Variants in VPS41 observed in about 807,000 individuals in gnomAD.
The protein encoded by VPS41 is VPS41 subunit of HOPS complex, also known as vacuolar protein sorting-associated protein 41 homolog.
Under a neutral mutation model 130.9 loss-of-function variants are expected in VPS41, and 85 were observed. That is an observed-to-expected ratio of 0.65 (90% CI 0.55 to 0.78). The LOEUF (loss-of-function observed/expected upper bound fraction) is 0.78, where lower values mean the gene tolerates loss of function less well. VPS41 is among the 30% of genes least tolerant of loss of function. The pLI is 0.00. For missense variants in VPS41, 874 were observed against 1,018.7 expected (o/e 0.86, Z 1.93); for synonymous variants, 335 against 332.9 (o/e 1.01, Z -0.07).
intron 2 of VPS41, among the ~76,000 whole-genome samples, chr7:38,885,097 G>A (rs890049939): frequency 6.6e-6 from 1 of 151,786 alleles, no homozygotes; most frequent in Non-Finnish European, 1.5e-5. Context: ...TTTTTGAGAC[G>A]GAGTCTCACT....
At chr7:38,769,001 C>T (rs1275926536) in intron 14 of VPS41, among the ~76,000 whole-genome samples, 1 of 152,126 alleles carries the variant, frequency 6.6e-6, no homozygotes, top group Non-Finnish European at 1.5e-5. Context: ...TACTCAGAAC[C>T]GTACTTTATA....
intron 2 of VPS41, among the ~76,000 whole-genome samples, chr7:38,890,820 T>C (rs375675783): frequency 6.6e-6 from 1 of 151,934 alleles, no homozygotes. Context: ...CAAGTAACCA[T>C]GTCTACAGGC....
chr7:38,819,442 A>T (rs778069042), intron 6 of VPS41, among the ~76,000 whole-genome samples: 7 of 152,214 alleles, frequency 4.6e-5, no homozygotes, highest in Non-Finnish European at 7.3e-5. Flanking sequence ...TCTCTACCAG[A>T]TGATCTCTCT....
At chr7:38,880,425 T>C (rs1233309456) in intron 2 of VPS41, among the ~76,000 whole-genome samples, 1 of 152,226 alleles carries the variant, frequency 6.6e-6, no homozygotes, top group Non-Finnish European at 1.5e-5. Flanking sequence ...AAGGAAATGC[T>C]ACCCTCTCCT....
chr7:38,750,041 A>G (rs915693249), intron 22 of VPS41, among the ~76,000 whole-genome samples: 4 of 152,046 alleles, frequency 2.6e-5, no homozygotes, highest in Non-Finnish European at 5.9e-5. Context: ...TAATGTTTTT[A>G]TTTTTGTAGA....
intron 4 of VPS41, among the ~76,000 whole-genome samples, chr7:38,858,139 T>C (rs1188011011): frequency 6.6e-6 from 1 of 152,140 alleles, no homozygotes; most frequent in Non-Finnish European, 1.5e-5. Flanking sequence ...CTCTTCAGGA[T>C]CAGAAAAAGA....
Position 38,800,857 on chromosome 7 carries a change from T to TA in VPS41, c.451-3994dup, listed in dbSNP as rs936625465. On this transcript the variant is annotated intron_variant, in intron 7 of 28. Transcript: ENST00000310301. Reference sequence around the variant, plus strand: ...GTCTCAAAATAAATAAATAAATAAATAAAAATTCACTGGAACTTAAAGAAG... The same window carrying TA: ...GTCTCAAAATAAATAAATAAATAAATAAAAAATTCACTGGAACTTAAAGAAG... Among the ~76,000 whole-genome samples the TA allele has an allele frequency of 2.0e-5, 3 of 152,038 alleles. 1 individual carries two copies. Among genetic ancestry groups the TA allele is most frequent in the East Asian group, 1.9e-4 (1 of 5,172 alleles).
chr7:38,828,100 T>C (rs902834927), intron 5 of VPS41, among the ~76,000 whole-genome samples: 5 of 152,116 alleles, frequency 3.3e-5, no homozygotes, highest in African/African-American at 1.2e-4. Flanking sequence ...TCTCCAAAAT[T>C]TTGAGAAAAA....
chr7:38,808,432 G>C (rs1355294438), intron 7 of VPS41, among the ~76,000 whole-genome samples: 2 of 152,024 alleles, frequency 1.3e-5, no homozygotes, highest in Non-Finnish European at 2.9e-5. Flanking sequence ...AATCAATTTT[G>C]GTACATTGAT....
intron 10 of VPS41, among the ~76,000 whole-genome samples, chr7:38,789,396 A>T (rs1784494179): frequency 6.6e-6 from 1 of 152,154 alleles, no homozygotes; most frequent in Non-Finnish European, 1.5e-5. Flanking sequence ...CTTTCCCTGG[A>T]AAGCAACACT....
chr7:38,813,010 G>A lies in VPS41; in HGVS notation c.450+4807C>T, dbSNP rs115293867. 8.7e-3 allele frequency among the ~76,000 whole-genome samples: 1,323 copies of A among 152,266 alleles called. 25 individuals carry two copies. Among genetic ancestry groups the A allele is most frequent in the African/African-American group, 0.029 (1,221 of 41,554 alleles). ...AATGTCCAACATAGAGTTACTATATGATTCAACAATTCCATACTCAAGAGA... is the reference window on the plus strand; with the variant it reads ...AATGTCCAACATAGAGTTACTATATAATTCAACAATTCCATACTCAAGAGA... On this transcript the variant is annotated intron_variant, in intron 7 of 28. Transcript: ENST00000310301.
intron 10 of VPS41, among the ~76,000 whole-genome samples, chr7:38,780,663 C>T (rs1447070825): frequency 6.6e-6 from 1 of 152,082 alleles, no homozygotes; most frequent in African/African-American, 2.4e-5. Flanking sequence ...TAATGTGGGC[C>T]AAAACACAAA....
intron 4 of VPS41, among the ~76,000 whole-genome samples, chr7:38,832,799 T>A (rs1785417831): frequency 1.3e-5 from 2 of 152,172 alleles, no homozygotes; most frequent in Admixed American, 6.5e-5. Context: ...CCTCTTCTTT[T>A]TTACATCTAT....
At chr7:38,909,027 CTG>C in intron 1 of VPS41, 125 bp downstream of exon 1, 4 of 1,192,154 alleles carry the variant, frequency 3.4e-6, no homozygotes, top group South Asian at 2.5e-5. Context: ...CCACCCCGCC[CTG>C]CCGCGGACCT....
intron 10 of VPS41, among the ~76,000 whole-genome samples, chr7:38,779,249 T>C (rs1334000018): frequency 6.6e-6 from 1 of 152,182 alleles, no homozygotes; most frequent in Non-Finnish European, 1.5e-5. Context: ...ATGTGGTACA[T>C]GAAAATAATA....
chr7:38,724,009 T>C lies in VPS41; in HGVS notation c.*2237A>G, dbSNP rs572329034. ...AAGGAACGAAAGCTAGTGTTTTTTA[T>C]TAACGATAAAATCTATATTGTTCAG... On this transcript the variant is annotated 3_prime_UTR_variant, in exon 29 of 29. Transcript: ENST00000310301. 6.6e-6 allele frequency: 1 copy of C among 152,318 alleles called. No individual in the cohort carries two copies. Among genetic ancestry groups the C allele is most frequent in the Non-Finnish European group, 1.5e-5 (1 of 68,028 alleles). The allele number at this position is 152,318 out of a possible 1,614,324, so 9.4% of individuals were successfully genotyped here. A position where few individuals can be genotyped will look rare whatever the true frequency, so the allele number is the denominator to read the frequency against.
intron 2 of VPS41, among the ~76,000 whole-genome samples, chr7:38,886,447 A>T (rs1264945784): frequency 1.3e-5 from 2 of 151,992 alleles, no homozygotes; most frequent in Non-Finnish European, 2.9e-5. Context: ...TGGTGGGGGG[A>T]GGGGTGTCTG....
intron 1 of VPS41, among the ~76,000 whole-genome samples, chr7:38,905,433 T>A (rs925598479): frequency 6.6e-6 from 1 of 152,206 alleles, no homozygotes; most frequent in Non-Finnish European, 1.5e-5. Flanking sequence ...ATATATGTAG[T>A]TACTTTTGAC....
intron 2 of VPS41, among the ~76,000 whole-genome samples, chr7:38,873,849 G>C (rs1786428483): frequency 6.6e-6 from 1 of 152,132 alleles, no homozygotes; most frequent in Non-Finnish European, 1.5e-5. Flanking sequence ...CAATCTTACT[G>C]AGTTTTGGAC....
Sources: allele counts gnomAD v4.1 joint callset (sites outside exome capture counted in the v4.1 genomes callset), GRCh38; gene constraint gnomAD v4.1.1; transcripts MANE v1.5; gene names NCBI Gene and HGNC (gene_info 2026-07-23, HGNC 2026-07-21).